PCDHGA3: variants seen among roughly 807,000 people sequenced by gnomAD.
PCDHGA3 encodes protocadherin gamma subfamily A, 3, also known as protocadherin gamma-A3.
PCDHGA3 carries 40 observed loss-of-function variants against 58.5 expected under a neutral mutation model. The observed-to-expected ratio is 0.68, with a 90% CI of 0.53 to 0.89. The LOEUF (loss-of-function observed/expected upper bound fraction) is 0.89, where lower values mean the gene tolerates loss of function less well. Among genes scored for constraint, PCDHGA3 ranks in the 40% least tolerant of loss-of-function variants. PCDHGA3 has a pLI of 0.00. For missense variants in PCDHGA3, 1,223 were observed against 1,195.9 expected (o/e 1.02, Z -0.33); for synonymous variants, 530 against 525.7 (o/e 1.01, Z -0.11).
chr5:141,352,927 G>A (rs1759145126), intron 1 of PCDHGA3, among the ~76,000 whole-genome samples: 1 of 152,218 alleles, frequency 6.6e-6, no homozygotes, highest in African/African-American at 2.4e-5. Flanking sequence ...GGTGGAGATT[G>A]TAGTGAGCCA....
intron 1 of PCDHGA3, chr5:141,375,657 T>C (rs1588774279): frequency 6.2e-7 from 1 of 1,614,192 alleles, no homozygotes; most frequent in Non-Finnish European, 8.5e-7. Flanking sequence ...TATGAGCAGT[T>C]GAGAGACCTA....
chr5:141,401,587 T>C (rs1455949609), intron 1 of PCDHGA3, among the ~76,000 whole-genome samples: 3 of 152,226 alleles, frequency 2.0e-5, no homozygotes, highest in Non-Finnish European at 2.9e-5. Context: ...TCCTGACATA[T>C]TCTTGAAGAA....
At chr5:141,418,803 A>G (rs1358411126) in intron 1 of PCDHGA3, 1 of 1,613,894 alleles carries the variant, frequency 6.2e-7, no homozygotes, top group Non-Finnish European at 8.5e-7. Context: ...GTAGAAAGAT[A>G]TACGATAAAC....
At position 141,432,644 on chromosome 5, in the gene PCDHGA3, G is replaced by A; in HGVS notation, c.2425-62163G>A. The A allele has an allele frequency of 1.2e-6, 2 of 1,613,812 alleles. No homozygotes were observed. The highest frequency in any genetic ancestry group is 1.7e-6 in the Non-Finnish European group (2 of 1,179,942). ...TCTGCACACGGGCGAGGTGCGCACG[G>A]CGCGAGCCCTGCTGGACAGAGACGC... On this transcript the variant is annotated intron_variant, in intron 1 of 3. Coordinates refer to ENST00000253812, the MANE Select transcript of PCDHGA3 (RefSeq NM_018916.4). The surrounding 1 kb of genome is among the most constrained non-coding windows in gnomAD (Gnocchi z 6.0).
chr5:141,506,246 C>T (rs1049014492), intron 3 of PCDHGA3, among the ~76,000 whole-genome samples: 3 of 151,958 alleles, frequency 2.0e-5, no homozygotes, highest in South Asian at 4.2e-4. Context: ...GTCAGGAGTT[C>T]GAAACCGGCC....
intron 1 of PCDHGA3, among the ~76,000 whole-genome samples, chr5:141,353,476 A>G (rs1295489300): frequency 6.6e-6 from 1 of 152,048 alleles, no homozygotes; most frequent in Non-Finnish European, 1.5e-5. Flanking sequence ...AATTATTAAG[A>G]CTCTTAACAC....
chr5:141,479,020 T>C (rs961123768), intron 1 of PCDHGA3, among the ~76,000 whole-genome samples: 1 of 152,236 alleles, frequency 6.6e-6, no homozygotes, highest in African/African-American at 2.4e-5. Flanking sequence ...ATAATTTTCC[T>C]TTGTTTATAC....
At chr5:141,394,463 G>C (rs1244366845) in intron 1 of PCDHGA3, 1 of 1,614,130 alleles carries the variant, frequency 6.2e-7, no homozygotes, top group Non-Finnish European at 8.5e-7. Flanking sequence ...CACTGAGCCT[G>C]TTCGTGCTGG....
intron 1 of PCDHGA3, chr5:141,415,791 C>CTTT: frequency 1.5e-6 from 2 of 1,341,938 alleles, no homozygotes; most frequent in Non-Finnish European, 1.9e-6. Flanking sequence ...GTAAAATTCA[C>CTTT]CTAGTCTCAA....
At chr5:141,415,740 G>GTTTTTGTTTTTTTTTT (rs2095911468) in intron 1 of PCDHGA3, 1 of 515,998 alleles carries the variant, frequency 1.9e-6, no homozygotes, top group Non-Finnish European at 2.6e-6. Context: ...GTTTATTAAG[G>GTTTTTGTTTTTTTTTT]TTTTTTTTTT....
intron 1 of PCDHGA3, chr5:141,419,533 C>A: frequency 6.2e-7 from 1 of 1,612,106 alleles, no homozygotes; most frequent in Non-Finnish European, 8.5e-7. Flanking sequence ...GTAACGACAA[C>A]GCACCGCGGG....
chr5:141,361,940 C>T (rs1561525180), intron 1 of PCDHGA3: 2 of 1,605,414 alleles, frequency 1.2e-6, no homozygotes, highest in Non-Finnish European at 1.7e-6. Context: ...GGACACAACG[C>T]TTGGCTGTCC....
At chr5:141,399,854 G>A (rs747617678) in intron 1 of PCDHGA3, 6 of 1,612,786 alleles carry the variant, frequency 3.7e-6, no homozygotes, top group Non-Finnish European at 5.1e-6. Context: ...ATGGTGCCGC[G>A]CGCTGCAGAG....
At chr5:141,483,501 G>C (rs1022338958) in intron 1 of PCDHGA3, among the ~76,000 whole-genome samples, 2 of 150,394 alleles carry the variant, frequency 1.3e-5, no homozygotes, top group African/African-American at 4.9e-5. Context: ...ATGAGTCAAG[G>C]CTGATCCCCC....
intron 2 of PCDHGA3, among the ~76,000 whole-genome samples, chr5:141,498,976 GGAAGGAAGGAAGGAA>G (rs1562186940): frequency 1.5e-4 from 2 of 13,010 alleles, no homozygotes; most frequent in Admixed American, 2.9e-3. Context: ...AGGGAGGGAA[GGAAGGAAGGAAGGAA>G]GGAAGGAAGG....
intron 1 of PCDHGA3, chr5:141,398,032 C>A: frequency 6.8e-7 from 1 of 1,469,940 alleles, no homozygotes; most frequent in South Asian, 1.4e-5. Flanking sequence ...GGAACTGGAA[C>A]TAAAGCCCGT....
At chr5:141,456,204 C>A (rs867187371) in intron 1 of PCDHGA3, among the ~76,000 whole-genome samples, 17 of 152,222 alleles carry the variant, frequency 1.1e-4, no homozygotes, top group South Asian at 2.1e-4. Context: ...CTACCACATT[C>A]CTCCCTGTGG....
At chr5:141,409,059 A>G (rs2095217608) in intron 1 of PCDHGA3, 2 of 1,614,050 alleles carry the variant, frequency 1.2e-6, no homozygotes, top group Non-Finnish European at 1.7e-6. Context: ...AGCACTGCCC[A>G]GAGCACAAAA....
intron 1 of PCDHGA3, chr5:141,419,715 T>C: frequency 6.2e-7 from 1 of 1,613,288 alleles, no homozygotes. Flanking sequence ...CTCTTCAGCC[T>C]GGGGCTGCGA....
Sources: gnomAD v4.1 joint callset for allele counts (sites outside exome capture counted in the v4.1 genomes callset) on GRCh38, gnomAD v4.1.1 for gene constraint, Gnocchi (gnomAD v3.1) non-coding constraint, MANE v1.5 for transcripts, NCBI Gene and HGNC (gene_info 2026-07-23, HGNC 2026-07-21) for gene names.